The following INO80 variants were observed in gnomAD, a reference collection of about 807,000 sequenced individuals.
The protein encoded by INO80 is INO80 complex ATPase subunit.
Under a neutral mutation model 203.4 loss-of-function variants are expected in INO80, and 20 were observed. That is an observed-to-expected ratio of 0.10 (90% CI 0.07 to 0.14). The LOEUF (loss-of-function observed/expected upper bound fraction) is 0.14, where lower values mean the gene tolerates loss of function less well. Among genes scored for constraint, INO80 ranks in the 10% least tolerant of loss-of-function variants. The pLI is 1.00. For synonymous variants in INO80, 726 were observed against 685.2 expected, an observed-to-expected ratio of 1.06 and a Z score of -0.93; for missense variants, 1,419 against 1,914.4, an observed-to-expected ratio of 0.74 and a Z score of 4.83.
At position 40,979,907 on chromosome 15, in the gene INO80, T is replaced by C; in HGVS notation, c.*316A>G. On this transcript the variant is annotated 3_prime_UTR_variant, in exon 36 of 36. Transcript: ENST00000648947. ...GAGTGGAATCGGGATGGAAACAGTA[T>C]GCCTGAGCATCTAAAGGGGGTCTGT... 2.6e-6 allele frequency: 1 copy of C among 383,452 alleles called. No homozygotes were observed. The highest frequency in any genetic ancestry group is 4.9e-6 in the Non-Finnish European group (1 of 204,428). 23.8% of individuals were successfully genotyped at this position (383,452 alleles called of 1,614,324 possible). A position where few individuals can be genotyped will look rare whatever the true frequency, so the allele number is the denominator to read the frequency against.
At chr15:41,097,491 T>C (rs1427052460) in intron 1 of INO80, among the ~76,000 whole-genome samples, 1 of 152,104 alleles carries the variant, frequency 6.6e-6, no homozygotes. Context: ...CCATAAATTA[T>C]TGTTATGATT....
chr15:41,049,421 C>A lies in INO80; in HGVS notation c.2443-1G>T. On this transcript the variant is annotated splice_acceptor_variant, in intron 20 of 35. Transcript: ENST00000648947. LOFTEE classifies it high-confidence loss of function. ...CAAATAACTCCGGGTGATTACACAC[C>A]TAAAAGGAAGGGAAATGGTAAGACA... The A allele has an allele frequency of 6.2e-7, 1 of 1,613,638 alleles. No homozygotes were observed. The highest frequency in any genetic ancestry group is 8.5e-7 in the Non-Finnish European group (1 of 1,179,782).
intron 14 of INO80, among the ~76,000 whole-genome samples, chr15:41,066,367 G>A (rs56088876): frequency 0.028 from 4,216 of 152,050 alleles, 197 homozygotes; most frequent in African/African-American, 0.096. Context: ...ACGTTGGCAA[G>A]GCTGTTCTTG....
chr15:41,019,112 C>T (rs1205082310), intron 26 of INO80, among the ~76,000 whole-genome samples: 1 of 152,148 alleles, frequency 6.6e-6, no homozygotes, highest in Non-Finnish European at 1.5e-5. Flanking sequence ...AATAATATCT[C>T]ATTTTTCCAA....
rs1160486459 is a variant in INO80, at chr15:41,046,206, CATATATATATATATATATATAT to C, written c.2736-1153_2736-1132del. Among the ~76,000 whole-genome samples the C allele has an allele frequency of 2.9e-3, 42 of 14,426 alleles. 1 individual carries two copies. Among genetic ancestry groups the C allele is most frequent in the African/African-American group, 9.5e-3 (42 of 4,410 alleles). The allele number at this position is 14,426 out of a possible 152,430, so 9.5% of individuals were successfully genotyped here. On this transcript the variant is annotated intron_variant, in intron 23 of 35. Coordinates refer to ENST00000648947, the MANE Select transcript of INO80 (RefSeq NM_017553.3). ...GTGTGTCTCTGTGTGCGTATACATA[CATATATATATATATATATATAT>C]ATATATATATATATATATATATATA...
intron 24 of INO80, among the ~76,000 whole-genome samples, chr15:41,037,473 G>C (rs766901685): frequency 6.6e-6 from 1 of 150,748 alleles, no homozygotes; most frequent in Admixed American, 6.6e-5. Context: ...CACTGCACTC[G>C]AGCCTGGGCA....
chr15:41,027,480 T>C (rs1293948218), intron 25 of INO80, 116 bp downstream of exon 25: 3 of 873,766 alleles, frequency 3.4e-6, no homozygotes, highest in Non-Finnish European at 5.1e-6. Context: ...AGAATTTATA[T>C]GTTTCTTAAA....
intron 11 of INO80, among the ~76,000 whole-genome samples, chr15:41,072,738 T>C (rs967165159): frequency 6.6e-6 from 1 of 151,042 alleles, no homozygotes; most frequent in African/African-American, 2.4e-5. Flanking sequence ...TAGCAGTTTT[T>C]TGAAACCATG....
chr15:41,017,108 G>A (rs2044222142), intron 26 of INO80: 1 of 152,086 alleles, frequency 6.6e-6, no homozygotes, highest in South Asian at 2.1e-4. Context: ...TTTTCAGAAA[G>A]ACTGACTTTG....
intron 14 of INO80, 66 bp from the exon 15 acceptor site, chr15:41,059,992 ATAATTCGG>A: frequency 9.3e-7 from 1 of 1,073,384 alleles, no homozygotes; most frequent in Non-Finnish European, 1.4e-6. Flanking sequence ...GAACAAATAT[ATAATTCGG>A]AACAATTTAA....
intron 1 of INO80, among the ~76,000 whole-genome samples, chr15:41,098,760 C>T (rs772713578): frequency 6.6e-6 from 1 of 152,014 alleles, no homozygotes; most frequent in Non-Finnish European, 1.5e-5. Flanking sequence ...TTTTTTTTTA[C>T]ACAGTTGTTT....
chr15:41,065,267 G>A (rs141722859), intron 14 of INO80, among the ~76,000 whole-genome samples: 12 of 151,854 alleles, frequency 7.9e-5, no homozygotes, highest in African/African-American at 2.4e-4. Context: ...GTGAAACTCC[G>A]TCTCTACCAA....
intron 31 of INO80, 143 bp downstream of exon 31, chr15:40,986,948 G>A: frequency 1.8e-6 from 1 of 545,912 alleles, no homozygotes; most frequent in South Asian, 2.5e-5. Context: ...ACACATTCTT[G>A]TTTGGGTTTT....
At chr15:41,075,446 AT>A (rs957463893) in intron 9 of INO80, among the ~76,000 whole-genome samples, 4 of 146,494 alleles carry the variant, frequency 2.7e-5, no homozygotes, top group Non-Finnish European at 3.0e-5. Flanking sequence ...TAATTTTTCT[AT>A]TTTTTTTTGG....
At chr15:41,054,881 G>T (rs910808443) in intron 18 of INO80, among the ~76,000 whole-genome samples, 5 of 151,994 alleles carry the variant, frequency 3.3e-5, no homozygotes, top group Non-Finnish European at 1.5e-5. Context: ...AACGTGATCC[G>T]CCCACCTTAG....
Position 41,054,025 on chromosome 15 carries a change from G to C in INO80, c.2189-11C>G. 1.9e-6 allele frequency: 3 copies of C among 1,608,282 alleles called. No individual in the cohort carries two copies. Among genetic ancestry groups the C allele is most frequent in the Non-Finnish European group, 2.6e-6 (3 of 1,175,264 alleles). ...AGCGAGAAAGTTGATCTGAAATGCC[G>C]GGAGGCCCCCAAATAATACATTATA... On this transcript the variant is annotated splice_polypyrimidine_tract_variant and intron_variant, in intron 18 of 35. Transcript: ENST00000648947.
Position 40,980,338 on chromosome 15 carries a change from CTCAAAGGGGAACT to C in INO80, c.4543_4555del (p.Ser1515AlafsTer15), listed in dbSNP as rs1472860990. The stretch of plus-strand genomic sequence containing the variant: ...ATTCCCAGGAACATTATTTCCCTTG[CTCAAAGGGGAACT>C]CAAAGGAGAAGAGGCGCTTGAAGGT... On this transcript the variant is annotated frameshift_variant, in exon 36 of 36. Coordinates refer to ENST00000648947, the MANE Select transcript of INO80 (RefSeq NM_017553.3). LOFTEE classifies it high-confidence loss of function. 1 of 1,613,768 alleles carries C rather than the reference CTCAAAGGGGAACT, an allele frequency of 6.2e-7. No homozygotes were observed.
chr15:40,982,837 C>G (rs1277998365), intron 35 of INO80, 25 bp downstream of exon 35: 14 of 1,584,668 alleles, frequency 8.8e-6, no homozygotes, highest in Non-Finnish European at 1.2e-5. Flanking sequence ...AGAACAAAGT[C>G]TGCAGCCACC....
At chr15:41,028,919 T>C (rs1232172524) in intron 24 of INO80, among the ~76,000 whole-genome samples, 1 of 152,218 alleles carries the variant, frequency 6.6e-6, no homozygotes, top group Non-Finnish European at 1.5e-5. Flanking sequence ...CAGCCAGTCA[T>C]ATGAAAGATT....
Sources: allele counts gnomAD v4.1 joint callset (sites outside exome capture counted in the v4.1 genomes callset), GRCh38; gene constraint gnomAD v4.1.1; transcripts MANE v1.5; gene names NCBI Gene and HGNC (gene_info 2026-07-23, HGNC 2026-07-21).